Variants in TRPC6 observed in about 807,000 individuals in gnomAD.
TRPC6 encodes short transient receptor potential channel 6.
In TRPC6, 55 loss-of-function variants were observed where a neutral mutation model predicts 90.7. That is an observed-to-expected ratio of 0.61 (90% CI 0.49 to 0.76). The LOEUF is 0.76. Among genes scored for constraint, TRPC6 ranks in the 30% least tolerant of loss-of-function variants. The probability of loss-of-function intolerance (pLI) is 0.00; values close to 1 mark genes in which losing one functional copy is unlikely to be tolerated. For synonymous variants in TRPC6, 393 were observed against 393.0 expected (o/e 1.00, Z 0.00); for missense variants, 989 against 1,122.7 (o/e 0.88, Z 1.70).
chr11:101,512,635 G>A (rs965831579), intron 1 of TRPC6, among the ~76,000 whole-genome samples: 1 of 152,100 alleles, frequency 6.6e-6, no homozygotes, highest in African/African-American at 2.4e-5. Context: ...AATAATTAAG[G>A]ACAAGTTGAG....
chr11:101,553,238 G>C (rs1861487963), intron 1 of TRPC6, among the ~76,000 whole-genome samples: 1 of 152,126 alleles, frequency 6.6e-6, no homozygotes, highest in African/African-American at 2.4e-5. Flanking sequence ...CACTGAAGTT[G>C]ACTGCAGAAA....
In TRPC6 at chr11:101,571,440, C is replaced by A. The variant is rs60428691; in HGVS notation, c.170+11894G>T. Among the ~76,000 whole-genome samples the A allele has an allele frequency of 3.3e-5, 5 of 152,250 alleles. No homozygotes were observed. The East Asian group carries it at 9.6e-4, about 29-fold the overall frequency. On this transcript the variant is annotated intron_variant, in intron 1 of 12. Transcript: ENST00000344327. ...AATCAATATTGTGAAAATGGCCATACTACCCAAAGTAATTCATAGATTCAA... is the reference window on the plus strand; with the variant it reads ...AATCAATATTGTGAAAATGGCCATAATACCCAAAGTAATTCATAGATTCAA...
At chr11:101,455,818 T>C (rs1173164941) in intron 10 of TRPC6, among the ~76,000 whole-genome samples, 1 of 152,122 alleles carries the variant, frequency 6.6e-6, no homozygotes, top group Non-Finnish European at 1.5e-5. Flanking sequence ...ACATACTGAA[T>C]TAAAACAGCT....
intron 1 of TRPC6, among the ~76,000 whole-genome samples, chr11:101,554,236 C>A (rs183325131): frequency 6.6e-5 from 10 of 152,178 alleles, no homozygotes; most frequent in Admixed American, 3.9e-4. Context: ...ATAGGAAGAA[C>A]TGAAAATGAA....
rs377697555 is a variant in TRPC6 at position 101,457,215 on chromosome 11, G to A, written c.2485-2114C>T. On this transcript the variant is annotated intron_variant, in intron 10 of 12. Coordinates refer to ENST00000344327, the MANE Select transcript of TRPC6 (RefSeq NM_004621.6). ...TGTTGACTACAAGCAAGAAGGACTG[G>A]ATGCAAGCTTTGTTCCTAATATGGA... Among the ~76,000 whole-genome samples the A allele has an allele frequency of 5.2e-4, 79 of 152,278 alleles. 1 individual carries two copies. Among genetic ancestry groups the A allele is most frequent in the African/African-American group, 1.9e-3 (79 of 41,568 alleles).
intron 1 of TRPC6, among the ~76,000 whole-genome samples, chr11:101,576,068 T>C (rs1275398810): frequency 4.6e-5 from 7 of 152,174 alleles, no homozygotes; most frequent in Non-Finnish European, 7.4e-5. Context: ...CCCAAATATA[T>C]TGGGTTTTGC....
chr11:101,558,234 TGG>T (rs1565243159), intron 1 of TRPC6, among the ~76,000 whole-genome samples: 3,033 of 78,790 alleles, frequency 0.038, 138 homozygotes, highest in Middle Eastern at 0.078. Context: ...TACATGTATA[TGG>T]GTATACATGT....
At position 101,504,374 on chromosome 11, in the gene TRPC6, A is replaced by T; in HGVS notation, c.595T>A (p.Ser199Thr). ...GKRLATSPSQ[S>T]ELQQDDFYAY... is the part of the protein sequence containing the mutation. ...TAAAAATCATCTTGCTGGAGTTCAGACTGGCTAGGGCTGGTTGCTAACCTC... is the reference window on the plus strand; with the variant it reads ...TAAAAATCATCTTGCTGGAGTTCAGTCTGGCTAGGGCTGGTTGCTAACCTC... The change falls in exon 2 of 13, where the codon TCT becomes ACT. Residue 199 changes from serine to threonine, a missense_variant. Transcript: ENST00000344327. 6.2e-7 allele frequency: 1 copy of T among 1,614,118 alleles called. No individual in the cohort carries two copies. Among genetic ancestry groups the T allele is most frequent in the Non-Finnish European group, 8.5e-7 (1 of 1,179,996 alleles).
chr11:101,555,889 G>A (rs1861551031), intron 1 of TRPC6, among the ~76,000 whole-genome samples: 2 of 152,134 alleles, frequency 1.3e-5, no homozygotes, highest in African/African-American at 2.4e-5. Context: ...TCAAAAGACT[G>A]AAATTACAGA....
chr11:101,457,295 C>T (rs1858906340), intron 10 of TRPC6, among the ~76,000 whole-genome samples: 1 of 152,130 alleles, frequency 6.6e-6, no homozygotes, highest in African/African-American at 2.4e-5. Context: ...TTTGTTAATA[C>T]CTTCTACCAC....
Position 101,532,263 on chromosome 11 carries a change from G to C in TRPC6, c.171-27465C>G, listed in dbSNP as rs569810232. Among the ~76,000 whole-genome samples, 5 of 152,246 alleles carry C rather than the reference G, an allele frequency of 3.3e-5. No homozygotes were observed. In the South Asian group the frequency reaches 1.0e-3, roughly 32 times the overall value. On this transcript the variant is annotated intron_variant, in intron 1 of 12. Transcript: ENST00000344327. ...CCTAAATCTTCTCATTGAAGCTATGGCTTTAATCACACCTTCAAGGTGGAA... is the reference window on the plus strand; with the variant it reads ...CCTAAATCTTCTCATTGAAGCTATGCCTTTAATCACACCTTCAAGGTGGAA...
intron 1 of TRPC6, among the ~76,000 whole-genome samples, chr11:101,562,463 T>G (rs1861735307): frequency 6.6e-6 from 1 of 152,146 alleles, no homozygotes; most frequent in Admixed American, 6.6e-5. Context: ...AAATTCTTTC[T>G]CTGTTCTCTT....
In TRPC6 at chr11:101,473,644, A is replaced by C; in HGVS notation, c.1874T>G (p.Ile625Arg). 1 of 1,613,816 alleles carries C rather than the reference A, an allele frequency of 6.2e-7. No individual in the cohort carries two copies. Among genetic ancestry groups the C allele is most frequent in the Non-Finnish European group, 8.5e-7 (1 of 1,179,814 alleles). ...GTCTTTGACTGTTCTTCCAAGTGAT[A>C]TCTGCAGAGGTCCAAAGCTTTCATT... ...PANESFGPLQ[I>R]SLGRTVKDIF... The change falls in exon 7 of 13, where the codon ATA becomes AGA. Residue 625 changes from isoleucine (I) to arginine (R), a missense_variant. Ile to Arg is a moderately conservative substitution (Grantham distance 97). This residue lies in a region of TRPC6 where 118 missense variants were observed against 197.6 expected (regional missense o/e 0.60). Coordinates refer to ENST00000344327, the MANE Select transcript of TRPC6 (RefSeq NM_004621.6).
chr11:101,572,607 C>G (rs1010214631), intron 1 of TRPC6, among the ~76,000 whole-genome samples: 1 of 152,082 alleles, frequency 6.6e-6, no homozygotes, highest in African/African-American at 2.4e-5. Context: ...TAGAACTGAC[C>G]CAAATGCCCA....
At chr11:101,457,787 G>A (rs915718776) in intron 10 of TRPC6, among the ~76,000 whole-genome samples, 86 of 152,228 alleles carry the variant, frequency 5.6e-4, no homozygotes, top group African/African-American at 1.9e-3. Context: ...CAGAGCTATT[G>A]CAAGAATTAA....
chr11:101,583,580 AG>A lies in TRPC6; in HGVS notation c.-78del. The A allele has an allele frequency of 7.2e-7, 1 of 1,387,168 alleles. No individual in the cohort carries two copies. The highest frequency in any genetic ancestry group is 9.3e-7 in the Non-Finnish European group (1 of 1,072,240). 85.9% of individuals were successfully genotyped at this position (1,387,168 alleles called of 1,614,324 possible). A position where few individuals can be genotyped will look rare whatever the true frequency, so the allele number is the denominator to read the frequency against. Reference sequence around the variant, plus strand: ...CAGTTCCAGCGGGGACCCGGTGCGGAGGGTTCGCGTCAGCGGCCGAACTGGA... The same window carrying A: ...CAGTTCCAGCGGGGACCCGGTGCGGAGGTTCGCGTCAGCGGCCGAACTGGA... On this transcript the variant is annotated 5_prime_UTR_variant, in exon 1 of 13. Coordinates refer to ENST00000344327, the MANE Select transcript of TRPC6 (RefSeq NM_004621.6).
chr11:101,525,696 G>T (rs1190118957), intron 1 of TRPC6, among the ~76,000 whole-genome samples: 1 of 152,228 alleles, frequency 6.6e-6, no homozygotes, highest in Admixed American at 6.5e-5. Flanking sequence ...GGTAGCTAGA[G>T]ATTAAGATGG....
chr11:101,545,553 G>A lies in TRPC6; in HGVS notation c.170+37781C>T, dbSNP rs76879966. Among the ~76,000 whole-genome samples the A allele has an allele frequency of 2.9e-3, 443 of 152,236 alleles. 3 individuals are homozygous for A. The highest frequency in any genetic ancestry group is 0.01 in the African/African-American group (426 of 41,540). On this transcript the variant is annotated intron_variant, in intron 1 of 12. Transcript: ENST00000344327. ...AGCTAGTTTTGTAATCCATAAAATA[G>A]CTTTCTTGAGATTATTAGATCGTCT...
At position 101,500,210 on chromosome 11, in the gene TRPC6, C is replaced by T. The variant is rs11224798; in HGVS notation, c.945+3814G>A. On this transcript the variant is annotated intron_variant, in intron 2 of 12. Coordinates refer to ENST00000344327, the MANE Select transcript of TRPC6 (RefSeq NM_004621.6). ...ATTTTTCAAAATGTGTATTTTTTTT[C>T]TTTCTTTTTTTTTTTTGAGACGGAG... Among the ~76,000 whole-genome samples, 68 of 137,678 alleles carry T rather than the reference C, an allele frequency of 4.9e-4. 1 individual carries two copies. The highest frequency in any genetic ancestry group is 1.3e-3 in the African/African-American group (46 of 36,094). The allele number at this position is 137,678 out of a possible 152,430, so 90.3% of individuals were successfully genotyped here.
Sources: gnomAD v4.1 joint callset for allele counts (sites outside exome capture counted in the v4.1 genomes callset) on GRCh38, gnomAD v4.1.1 for gene constraint, gnomAD v4.1.1 regional missense constraint, MANE v1.5 for transcripts, NCBI Gene and HGNC (gene_info 2026-07-23, HGNC 2026-07-21) for gene names.